Variants in NDUFAF5 observed in about 807,000 individuals in gnomAD.
NDUFAF5 encodes the protein arginine-hydroxylase NDUFAF5, mitochondrial.
Under a neutral mutation model 48.9 loss-of-function variants are expected in NDUFAF5, and 34 were observed. That is an observed-to-expected ratio of 0.70 (90% confidence interval 0.53 to 0.93). NDUFAF5 has a LOEUF of 0.93. Among genes scored for constraint, NDUFAF5 ranks in the 40% least tolerant of loss-of-function variants. The probability of loss-of-function intolerance (pLI) is 0.00; values close to 1 mark genes in which losing one functional copy is unlikely to be tolerated. For synonymous variants in NDUFAF5, 153 were observed against 150.6 expected (o/e 1.02, Z -0.12); for missense variants, 428 against 427.5 (o/e 1.00, Z -0.01).
At chr20:13,797,855 G>C (rs79568070) in intron 5 of NDUFAF5, among the ~76,000 whole-genome samples, 2,492 of 152,022 alleles carry the variant, frequency 0.016, 72 homozygotes, top group African/African-American at 0.055. Context: ...AAAATCTCTG[G>C]GTTTTCCTCT....
chr20:13,794,276 C>G (rs1982812216), intron 4 of NDUFAF5, among the ~76,000 whole-genome samples: 1 of 151,560 alleles, frequency 6.6e-6, no homozygotes, highest in Non-Finnish European at 1.5e-5. Context: ...AACTTTCAGC[C>G]TTCTTTTTTC....
At chr20:13,801,818 G>T in intron 7 of NDUFAF5, 135 bp downstream of exon 7, 1 of 704,580 alleles carries the variant, frequency 1.4e-6, no homozygotes, top group East Asian at 2.7e-5. Context: ...TCTTTTTAAG[G>T]GAAAAGCTCT....
rs1167348077 is a variant in NDUFAF5 at position 13,808,919 on chromosome 20, A to C, written c.778+17A>C. ...ATTTACAAGGTAAGGCACTTTAAAGAATTTTTAGACTCCATTGGGAAAGGT... is the reference window on the plus strand; with the variant it reads ...ATTTACAAGGTAAGGCACTTTAAAGCATTTTTAGACTCCATTGGGAAAGGT... On this transcript the variant is annotated intron_variant, in intron 8 of 10. Coordinates refer to ENST00000378106, the MANE Select transcript of NDUFAF5 (RefSeq NM_024120.5). 6.4e-7 allele frequency: 1 copy of C among 1,562,948 alleles called. No individual in the cohort carries two copies. Among genetic ancestry groups the C allele is most frequent in the Non-Finnish European group, 8.8e-7 (1 of 1,133,470 alleles).
In NDUFAF5 at chr20:13,818,981, G is replaced by A. The variant is rs1352956939; in HGVS notation, c.*1771G>A. On this transcript the variant is annotated 3_prime_UTR_variant, in exon 11 of 11. Transcript: ENST00000378106. ...CAACGGAATTATATGTGGATGGTGG[G>A]GTGGAGCTAAGGATTACTCTACTCT... is the stretch of plus-strand genomic sequence containing the variant. 1.3e-5 allele frequency: 2 copies of A among 152,102 alleles called. No homozygotes were observed. The highest frequency in any genetic ancestry group is 3.9e-4 in the East Asian group (2 of 5,190). The allele number at this position is 152,102 out of a possible 1,614,324, so 9.4% of individuals were successfully genotyped here.
In NDUFAF5 at chr20:13,820,412, G is replaced by T. The variant is rs1639580431; in HGVS notation, c.*3202G>T. 1 of 151,950 alleles carries T rather than the reference G, an allele frequency of 6.6e-6. No homozygotes were observed. The highest frequency in any genetic ancestry group is 2.4e-5 in the African/African-American group (1 of 41,358). 9.4% of individuals were successfully genotyped at this position (151,950 alleles called of 1,614,324 possible). Reference sequence around the variant, plus strand: ...GCATTAAAGACATGTACAGTTTTTTGGCCGGCTGCAGTGGCTCACACCTGT... The same window carrying T: ...GCATTAAAGACATGTACAGTTTTTTTGCCGGCTGCAGTGGCTCACACCTGT... On this transcript the variant is annotated 3_prime_UTR_variant, in exon 11 of 11. Transcript: ENST00000378106.
chr20:13,807,634 T>C (rs1255653614), intron 7 of NDUFAF5, among the ~76,000 whole-genome samples: 2 of 152,084 alleles, frequency 1.3e-5, no homozygotes. Flanking sequence ...CTATTAATGA[T>C]GTTTAGATTT....
chr20:13,810,708 T>C, intron 8 of NDUFAF5, among the ~76,000 whole-genome samples: 1 of 151,796 alleles, frequency 6.6e-6, no homozygotes, highest in East Asian at 1.9e-4. Flanking sequence ...AGAGAAAAGA[T>C]AATTGATGAT....
chr20:13,785,031 C>T lies in NDUFAF5; in HGVS notation c.-38C>T, dbSNP rs1239458796. ...GACACAAAAGCCGCGCTGGCGCATG[C>T]GCACAAAAAGCGCCGGCAATTGGGG... On this transcript the variant is annotated 5_prime_UTR_variant, in exon 1 of 11. Transcript: ENST00000378106. 13 of 1,570,624 alleles carry T rather than the reference C, an allele frequency of 8.3e-6. 1 individual carries two copies. In the South Asian group the frequency reaches 1.0e-4, roughly 12 times the overall value.
chr20:13,816,517 C>T lies in NDUFAF5; in HGVS notation c.833C>T (p.Thr278Ile). 1 of 1,614,098 alleles carries T rather than the reference C, an allele frequency of 6.2e-7. No homozygotes were observed. The highest frequency in any genetic ancestry group is 1.1e-5 in the South Asian group (1 of 91,080). Residue 278 changes from threonine to isoleucine, a missense_variant, in exon 9 of 11, where the codon ACA becomes ATA. By Grantham distance (89) the Thr-to-Ile change is moderately conservative (BLOSUM62 -1). Transcript: ENST00000378106. ...WNRKALLHRDTMLAAAAVYRE... is the reference protein window; with the variant it reads ...WNRKALLHRDIMLAAAAVYRE... ...AGAAAAGCCCTGCTGCATCGAGACA[C>T]AATGCTGGCAGCTGCGGCAGTGTAC...
intron 1 of NDUFAF5, chr20:13,787,071 G>A (rs1981301419): frequency 3.6e-6 from 2 of 550,058 alleles, no homozygotes; most frequent in South Asian, 3.9e-5. Context: ...ATATATGTGT[G>A]TGTGTGTGTG....
At chr20:13,810,273 G>A (rs1568778751) in intron 8 of NDUFAF5, among the ~76,000 whole-genome samples, 1 of 152,178 alleles carries the variant, frequency 6.6e-6, no homozygotes, top group Non-Finnish European at 1.5e-5. Flanking sequence ...AGGTGTTCCA[G>A]AAAAACACCA....
At position 13,818,015 on chromosome 20, in the gene NDUFAF5, T is replaced by C. The variant is rs769303997; in HGVS notation, c.*805T>C. 1 of 454,136 alleles carries C rather than the reference T, an allele frequency of 2.2e-6. No homozygotes were observed. Among genetic ancestry groups the C allele is most frequent in the Non-Finnish European group, 4.4e-6 (1 of 226,786 alleles). The allele number at this position is 454,136 out of a possible 1,614,324, so 28.1% of individuals were successfully genotyped here. Reference sequence around the variant, plus strand: ...CAGGAGTGAGCGCTAAGTGTTTTGTTTCCAGTTAGCTGTTCGCTGTCTTTT... The same window carrying C: ...CAGGAGTGAGCGCTAAGTGTTTTGTCTCCAGTTAGCTGTTCGCTGTCTTTT... On this transcript the variant is annotated 3_prime_UTR_variant, in exon 11 of 11. Coordinates refer to ENST00000378106, the MANE Select transcript of NDUFAF5 (RefSeq NM_024120.5).
rs573893840 is a variant in NDUFAF5 at position 13,787,376 on chromosome 20, A to G, written c.263+24A>G. On this transcript the variant is annotated intron_variant, in intron 2 of 10. Coordinates refer to ENST00000378106, the MANE Select transcript of NDUFAF5 (RefSeq NM_024120.5). ...AGGTAAGTGGTGGTGATCATAATAC[A>G]ATACCATCAACTTTTGAGTGGAAAT... 221 of 1,609,614 alleles carry G rather than the reference A, an allele frequency of 1.4e-4. 2 individuals are homozygous for G. The South Asian group carries it at 2.3e-3, about 17-fold the overall frequency.
At chr20:13,816,840 A>C (rs1200594470) in intron 9 of NDUFAF5, 35 bp from the exon 10 acceptor site, 1 of 1,490,716 alleles carries the variant, frequency 6.7e-7, no homozygotes, top group Non-Finnish European at 9.4e-7. Flanking sequence ...TCCTACTTGC[A>C]TTTTTTCAGA....
chr20:13,805,939 T>C, intron 7 of NDUFAF5, among the ~76,000 whole-genome samples: 1 of 152,174 alleles, frequency 6.6e-6, no homozygotes, highest in East Asian at 1.9e-4. Context: ...AAAAAAATAA[T>C]AATAATATGT....
chr20:13,785,335 G>A (rs1161373231), intron 1 of NDUFAF5, 45 bp downstream of exon 1: 3 of 1,520,828 alleles, frequency 2.0e-6, no homozygotes, highest in Non-Finnish European at 2.7e-6. Context: ...CGACGCGGAG[G>A]CTTGTTTTCC....
At chr20:13,788,777 GTTTTTT>G (rs546259187) in intron 3 of NDUFAF5, 125 bp downstream of exon 3, 1 of 431,506 alleles carries the variant, frequency 2.3e-6, no homozygotes, top group African/African-American at 2.2e-5. Context: ...TTGTTAATTT[GTTTTTT>G]TTTTTAAGTG....
intron 5 of NDUFAF5, among the ~76,000 whole-genome samples, chr20:13,795,331 C>A (rs904051811): frequency 6.6e-6 from 1 of 151,992 alleles, no homozygotes; most frequent in Non-Finnish European, 1.5e-5. Context: ...GGGGAGAAAA[C>A]CCTTCTATCA....
At chr20:13,806,596 C>A (rs1331988392) in intron 7 of NDUFAF5, among the ~76,000 whole-genome samples, 1 of 152,204 alleles carries the variant, frequency 6.6e-6, no homozygotes, top group African/African-American at 2.4e-5. Context: ...TTGTGGCATT[C>A]TTTTGATTGA....
Sources: allele counts gnomAD v4.1 joint callset (sites outside exome capture counted in the v4.1 genomes callset), GRCh38; gene constraint gnomAD v4.1.1; transcripts MANE v1.5; gene names NCBI Gene and HGNC (gene_info 2026-07-23, HGNC 2026-07-21).